The following GSDME variants were observed in gnomAD, a reference collection of about 807,000 sequenced individuals.
GSDME encodes the protein gasdermin E, also known as gasdermin-E.
In GSDME, 44 loss-of-function variants were observed where a neutral mutation model predicts 47.5. The observed-to-expected ratio is 0.93, with a 90% CI of 0.73 to 1.19. The LOEUF (loss-of-function observed/expected upper bound fraction) is 1.19. GSDME is among the 50% of genes most tolerant of loss of function. The pLI is 0.00. For missense variants in GSDME, 663 were observed against 604.2 expected (o/e 1.10, Z -1.02); for synonymous variants, 258 against 252.8 (o/e 1.02, Z -0.20).
chr7:24,780,672 G>A, the GSDME span, among the ~76,000 whole-genome samples: 13 of 152,246 alleles, frequency 8.5e-5, no homozygotes, highest in African/African-American at 2.4e-4. This position sits in a 1 kb window ranked among gnomAD's most constrained non-coding sequence, Gnocchi z 4.1. Context: ...GTTTCTATGC[G>A]TTGTAAATAT....
At chr7:24,709,081 G>A (rs917413627) in intron 6 of GSDME, among the ~76,000 whole-genome samples, 1 of 152,156 alleles carries the variant, frequency 6.6e-6, no homozygotes, top group Admixed American at 6.5e-5. Flanking sequence ...AAAGCCCCAC[G>A]CAGAGGAACA....
chr7:24,761,786 A>G (rs973179537), upstream of GSDME, among the ~76,000 whole-genome samples: 1 of 152,274 alleles, frequency 6.6e-6, no homozygotes, highest in African/African-American at 2.4e-5. This position sits in a 1 kb window ranked among gnomAD's most constrained non-coding sequence, Gnocchi z 4.4. Context: ...TTCAAGAAAA[A>G]GAAACAAGGC....
chr7:24,746,858 G>A (rs1790683428), intron 2 of GSDME, among the ~76,000 whole-genome samples: 1 of 152,164 alleles, frequency 6.6e-6, no homozygotes, highest in Non-Finnish European at 1.5e-5. Flanking sequence ...TCACAGCCCT[G>A]GGCAACACAT....
intron 7 of GSDME, chr7:24,707,186 A>G (rs567490927): frequency 1.8e-5 from 7 of 390,034 alleles, no homozygotes; most frequent in South Asian, 1.4e-4. Context: ...GAAAAATAAT[A>G]TGAACACTTC....
intron 3 of GSDME, among the ~76,000 whole-genome samples, chr7:24,741,646 G>C (rs1382177986): frequency 6.6e-6 from 1 of 152,150 alleles, no homozygotes; most frequent in African/African-American, 2.4e-5. Context: ...TTATCTAAAT[G>C]ACCTGAAATA....
rs112243319 is a variant in GSDME, at chr7:24,714,236, C to T, written c.697+3018G>A. Among the ~76,000 whole-genome samples the T allele has an allele frequency of 1.2e-4, 19 of 152,220 alleles. No individual in the cohort carries two copies. Among genetic ancestry groups the T allele is most frequent in the Admixed American group, 3.9e-4 (6 of 15,288 alleles). On this transcript the variant is annotated intron_variant, in intron 5 of 9. Transcript: ENST00000645220. The surrounding 1 kb of genome is among the most constrained non-coding windows in gnomAD (Gnocchi z 5.0). ...AGCTGGCATGGCTGAAGCACCTGGC[C>T]GGGATACAGATGGAGTCTGCCTCCC...
chr7:24,752,736 T>A (rs916989283), intron 1 of GSDME, among the ~76,000 whole-genome samples: 5 of 152,228 alleles, frequency 3.3e-5, no homozygotes, highest in Non-Finnish European at 7.3e-5. Flanking sequence ...ACAGAACAAC[T>A]GCTTTAGTTT....
rs771163879 is a variant in GSDME at position 24,710,271 on chromosome 7, G to A, written c.815C>T (p.Ala272Val). 1.2e-5 allele frequency: 20 copies of A among 1,614,060 alleles called. No homozygotes were observed. The highest frequency in any genetic ancestry group is 3.3e-5 in the Admixed American group (2 of 60,000). ...TCCATCCTGGGAAGATATCCCATGC[G>A]CAGCATCTGGCATGTCTATGAATGC... ...EFAFIDMPDA[A>V]HGISSQDGPL... The change falls in exon 6 of 10, where the codon GCG (alanine) becomes GTG (valine). Residue 272 changes from alanine (A) to valine (V), a missense_variant. Physicochemically the swap from Ala to Val is moderately conservative, Grantham distance 64. Transcript: ENST00000645220.
At chr7:24,768,261 C>T in the GSDME span, among the ~76,000 whole-genome samples, 4,993 of 152,182 alleles carry the variant, frequency 0.033, 295 homozygotes, top group African/African-American at 0.11. This position sits in a 1 kb window ranked among gnomAD's most constrained non-coding sequence, Gnocchi z 5.6. Flanking sequence ...CTTAGGACAA[C>T]GGAGAAACAC....
At chr7:24,720,862 G>T (rs907375048) in intron 3 of GSDME, among the ~76,000 whole-genome samples, 3 of 151,668 alleles carry the variant, frequency 2.0e-5, no homozygotes, top group Non-Finnish European at 4.4e-5. Flanking sequence ...AGCTGAGATT[G>T]TGCCACCGCA....
chr7:24,700,742 TTTAGAGAGTAGA>T (rs1433371651), intron 9 of GSDME, among the ~76,000 whole-genome samples: 1 of 152,242 alleles, frequency 6.6e-6, no homozygotes, highest in Non-Finnish European at 1.5e-5. Flanking sequence ...TTGATTGTGC[TTTAGAGAGTAGA>T]TTAGACCTGC....
rs1403971754 is a variant in GSDME at position 24,756,206 on chromosome 7, G to T, written c.-20+1190C>A. On this transcript the variant is annotated intron_variant, in intron 1 of 9. Coordinates refer to ENST00000645220, the MANE Select transcript of GSDME (RefSeq NM_001127453.2). The surrounding 1 kb of genome is among the most constrained non-coding windows in gnomAD (Gnocchi z 4.2). ...GGAGTGGGTAACAGAGGGCAGTCTG[G>T]GTAAGAATAGAGAAGATGCGGTGTG... Among the ~76,000 whole-genome samples, 1 of 152,162 alleles carries T rather than the reference G, an allele frequency of 6.6e-6. No homozygotes were observed. The highest frequency in any genetic ancestry group is 2.4e-5 in the African/African-American group (1 of 41,418).
rs1004526420 is a variant in GSDME at position 24,735,966 on chromosome 7, T to A, written c.404+8596A>T. ...TTAAGTTGTTATCAGCTTAAAATAA[T>A]GGGTTACAATAATGGGATGGTATTT... On this transcript the variant is annotated intron_variant, in intron 3 of 9. Coordinates refer to ENST00000645220, the MANE Select transcript of GSDME (RefSeq NM_001127453.2). This position sits in a 1 kb window ranked among gnomAD's most constrained non-coding sequence, Gnocchi z 4.4. Among the ~76,000 whole-genome samples the A allele has an allele frequency of 6.6e-6, 1 of 152,112 alleles. No individual in the cohort carries two copies. The highest frequency in any genetic ancestry group is 2.4e-5 in the African/African-American group (1 of 41,444).
rs373591364 is a variant in GSDME, at chr7:24,719,031, G to A, written c.576+16C>T. Reference sequence around the variant, plus strand: ...ACTGCTCAGCCATGAACGCAGGGCAGCCCGACTGCACGCACCTGCACCGTC... The same window carrying A: ...ACTGCTCAGCCATGAACGCAGGGCAACCCGACTGCACGCACCTGCACCGTC... On this transcript the variant is annotated intron_variant, in intron 4 of 9. Transcript: ENST00000645220. The A allele has an allele frequency of 1.4e-5, 22 of 1,611,406 alleles. No homozygotes were observed. The Admixed American group carries it at 1.5e-4, about 11-fold the overall frequency.
At chr7:24,704,549 A>G (rs1012921192) in intron 8 of GSDME, 2 of 152,198 alleles carry the variant, frequency 1.3e-5, no homozygotes, top group African/African-American at 4.8e-5. Flanking sequence ...GGACTGACAT[A>G]TAAATGAGAT....
chr7:24,759,828 G>A (rs538490304), upstream of GSDME, among the ~76,000 whole-genome samples: 1 of 152,278 alleles, frequency 6.6e-6, no homozygotes, highest in Admixed American at 6.5e-5. Context: ...TGCTCTCCCT[G>A]TCCAATGGTG....
rs1453138180 is a variant in GSDME at position 24,721,235 on chromosome 7, G to A, written c.405-2017C>T. ...CTTAAAAATGGTTACAACAGTAAAT[G>A]TTGTGTCTCATCTATTTTACCACAA... is the stretch of plus-strand genomic sequence containing the variant. On this transcript the variant is annotated intron_variant, in intron 3 of 9. Transcript: ENST00000645220. The surrounding 1 kb of genome is among the most constrained non-coding windows in gnomAD (Gnocchi z 4.1). Among the ~76,000 whole-genome samples the A allele has an allele frequency of 6.6e-6, 1 of 152,190 alleles. No homozygotes were observed. The highest frequency in any genetic ancestry group is 6.5e-5 in the Admixed American group (1 of 15,282).
chr7:24,714,852 G>A lies in GSDME; in HGVS notation c.697+2402C>T, dbSNP rs373966375. ...AGCCCAGGCCTGGGTCCCCGCCACC[G>A]AAGGGTCCGCAGAGCACTCCTGGGC... On this transcript the variant is annotated intron_variant, in intron 5 of 9. Transcript: ENST00000645220. The surrounding 1 kb of genome is among the most constrained non-coding windows in gnomAD (Gnocchi z 5.0). Among the ~76,000 whole-genome samples the A allele has an allele frequency of 1.4e-3, 214 of 152,190 alleles. No individual in the cohort carries two copies. The highest frequency in any genetic ancestry group is 1.7e-3 in the Non-Finnish European group (115 of 68,038).
chr7:24,747,215 A>T (rs1269805658), intron 2 of GSDME, among the ~76,000 whole-genome samples: 1 of 152,250 alleles, frequency 6.6e-6, no homozygotes. Context: ...ACCGTTCGAT[A>T]GAAGTTCTGC....
Sources: gnomAD v4.1 joint callset for allele counts (sites outside exome capture counted in the v4.1 genomes callset) on GRCh38, gnomAD v4.1.1 for gene constraint, Gnocchi (gnomAD v3.1) non-coding constraint, MANE v1.5 for transcripts, NCBI Gene and HGNC (gene_info 2026-07-23, HGNC 2026-07-21) for gene names.